Variants in GDA observed in about 807,000 individuals in gnomAD.
GDA encodes the protein guanine deaminase, also known as cytoplasmic PSD-95 interactor.
Under a neutral mutation model 59.6 loss-of-function variants are expected in GDA, and 18 were observed. The ratio of observed to expected loss-of-function variants is 0.30; its 90% CI spans 0.21 to 0.45. GDA has a LOEUF of 0.45. GDA is among the 20% of genes least tolerant of loss of function. The pLI, the probability that GDA is intolerant of heterozygous loss-of-function variation, is 1.00. For synonymous variants in GDA, 201 were observed against 201.1 expected (o/e 1.00, Z 0.00); for missense variants, 427 against 552.3 (o/e 0.77, Z 2.27).
intron 8 of GDA, 37 bp downstream of exon 8, chr9:72,225,821 G>A (rs766891923): frequency 1.3e-6 from 1 of 752,152 alleles, no homozygotes; most frequent in Admixed American, 2.5e-5. Context: ...GTTTAAAGGA[G>A]GGCATATTTA....
chr9:72,157,407 T>G (rs1009500362), intron 1 of GDA, among the ~76,000 whole-genome samples: 1 of 152,204 alleles, frequency 6.6e-6, no homozygotes, highest in African/African-American at 2.4e-5. Flanking sequence ...GTACTGTTCA[T>G]TGCAGCCCAA....
chr9:72,162,598 G>A (rs903041078), intron 1 of GDA, among the ~76,000 whole-genome samples: 4 of 152,028 alleles, frequency 2.6e-5, no homozygotes, highest in East Asian at 1.9e-4. Context: ...AGTCATTCCC[G>A]TTAGCCCAAG....
intron 1 of GDA, among the ~76,000 whole-genome samples, chr9:72,187,267 G>A (rs1182980948): frequency 1.3e-5 from 2 of 152,178 alleles, no homozygotes; most frequent in African/African-American, 4.8e-5. Context: ...AAGAGGTGGG[G>A]CCTTTCAGAA....
chr9:72,198,846 G>GATATATATATATATATATATAT (rs141544036), intron 2 of GDA, among the ~76,000 whole-genome samples: 5,444 of 127,848 alleles, frequency 0.043, 162 homozygotes, highest in Middle Eastern at 0.061. Flanking sequence ...TATATAGGGG[G>GATATATATATATATATATATAT]ATATATATAT....
rs1840522425 is a variant in GDA at position 72,249,945 on chromosome 9, G to C, written c.*1603G>C. The C allele has an allele frequency of 1.1e-6, 1 of 940,480 alleles. No homozygotes were observed. The highest frequency in any genetic ancestry group is 1.3e-6 in the Non-Finnish European group (1 of 789,354). 58.3% of individuals were successfully genotyped at this position (940,480 alleles called of 1,614,324 possible). On this transcript the variant is annotated 3_prime_UTR_variant, in exon 14 of 14. Transcript: ENST00000358399. ...CCCTAATAGAAATACTTTTAGATTTGATTATGTATACATGACACCTAAAGA... is the reference window on the plus strand; with the variant it reads ...CCCTAATAGAAATACTTTTAGATTTCATTATGTATACATGACACCTAAAGA...
At chr9:72,204,105 G>A (rs988289108) in intron 3 of GDA, among the ~76,000 whole-genome samples, 16 of 152,020 alleles carry the variant, frequency 1.1e-4, no homozygotes, top group Non-Finnish European at 1.9e-4. Flanking sequence ...ATGAGCCACC[G>A]CGCCCGGCCG....
At chr9:72,180,820 A>C (rs1831107296) in intron 1 of GDA, among the ~76,000 whole-genome samples, 1 of 152,354 alleles carries the variant, frequency 6.6e-6, no homozygotes, top group East Asian at 1.9e-4. Context: ...GTGATTCACA[A>C]GTTTTCAAGT....
At chr9:72,232,108 G>A (rs937447110) in intron 10 of GDA, among the ~76,000 whole-genome samples, 1 of 152,194 alleles carries the variant, frequency 6.6e-6, no homozygotes, top group Non-Finnish European at 1.5e-5. Flanking sequence ...ATTTCTAGGT[G>A]TCCTCTGTGA....
chr9:72,231,704 C>T (rs7874671), intron 10 of GDA, among the ~76,000 whole-genome samples: 27,402 of 152,014 alleles, frequency 0.18, 2,843 homozygotes, highest in Middle Eastern at 0.29. Flanking sequence ...CAGAGGTATT[C>T]TAAAAAGTCC....
intron 13 of GDA, 100 bp from the exon 14 acceptor site, chr9:72,248,172 T>C: frequency 1.2e-6 from 1 of 806,158 alleles, no homozygotes; most frequent in Non-Finnish European, 2.2e-6. Flanking sequence ...TAGTATTTCC[T>C]CTCCTAGAAG....
At chr9:72,195,466 T>C (rs1243990202) in intron 1 of GDA, 34 bp from the exon 2 acceptor site, 1 of 888,184 alleles carries the variant, frequency 1.1e-6, no homozygotes. Flanking sequence ...CTCACTAATA[T>C]GTGTTTCTTT....
intron 1 of GDA, among the ~76,000 whole-genome samples, chr9:72,153,966 A>T (rs932449813): frequency 1.8e-4 from 18 of 101,524 alleles, no homozygotes; most frequent in African/African-American, 8.8e-4. Context: ...AGTATAATAA[A>T]AAAAAAATAT....
chr9:72,182,324 G>A (rs1831342364), intron 1 of GDA, among the ~76,000 whole-genome samples: 1 of 152,148 alleles, frequency 6.6e-6, no homozygotes, highest in South Asian at 2.1e-4. Context: ...CCTTTCATCT[G>A]TAATGGGTCT....
downstream of GDA, among the ~76,000 whole-genome samples, chr9:72,255,354 G>T (rs1365719479): frequency 3.5e-4 from 54 of 152,174 alleles, no homozygotes; most frequent in Non-Finnish European, 1.5e-5. Context: ...ATGCTAATGA[G>T]CAATGAGGGC....
At chr9:72,149,784 T>C in intron 1 of GDA, 102 bp downstream of exon 1, 1 of 1,219,280 alleles carries the variant, frequency 8.2e-7, no homozygotes, top group Non-Finnish European at 1.1e-6. Context: ...CGGTGCGCAG[T>C]GAGCGCCGCG....
intron 2 of GDA, among the ~76,000 whole-genome samples, chr9:72,197,910 G>A (rs1416182997): frequency 6.6e-6 from 1 of 152,054 alleles, no homozygotes; most frequent in Non-Finnish European, 1.5e-5. Flanking sequence ...ATCACAACTG[G>A]AGTACCATGG....
At chr9:72,148,113 A>G (rs189076519), upstream of GDA, among the ~76,000 whole-genome samples, 11 of 152,282 alleles carry the variant, frequency 7.2e-5, 1 homozygote, top group East Asian at 1.3e-3. Context: ...CAATTCAGAG[A>G]AAAACTGCTC....
At chr9:72,203,660 T>C (rs1304023042) in intron 3 of GDA, among the ~76,000 whole-genome samples, 2 of 152,178 alleles carry the variant, frequency 1.3e-5, no homozygotes, top group African/African-American at 4.8e-5. Context: ...TGAACACTCA[T>C]GGATTTTTGT....
chr9:72,214,493 A>G (rs978285574), intron 5 of GDA, among the ~76,000 whole-genome samples: 1 of 151,830 alleles, frequency 6.6e-6, no homozygotes, highest in Non-Finnish European at 1.5e-5. Context: ...ACGGGGTTTC[A>G]CTATGTTGGC....
Sources: allele counts gnomAD v4.1 joint callset (sites outside exome capture counted in the v4.1 genomes callset), GRCh38; gene constraint gnomAD v4.1.1; transcripts MANE v1.5; gene names NCBI Gene and HGNC (gene_info 2026-07-23, HGNC 2026-07-21).